OVCH1: variants seen among roughly 807,000 people sequenced by gnomAD.
OVCH1 encodes ovochymase 1, also known as ovochymase-1.
A neutral mutation model predicts 138.4 loss-of-function variants in OVCH1; 139 were observed. That is an observed-to-expected ratio of 1.00 (90% CI 0.87 to 1.16). The LOEUF is 1.16. Among genes scored for constraint, OVCH1 ranks in the 50% most tolerant of loss-of-function variants. The pLI, the probability that OVCH1 is intolerant of heterozygous loss-of-function variation, is 0.00. For synonymous variants in OVCH1, 453 were observed against 467.8 expected, an observed-to-expected ratio of 0.97 and a Z score of 0.41; for missense variants, 1,367 against 1,357.9, an observed-to-expected ratio of 1.01 and a Z score of -0.11.
chr12:29,402,497 AAG>A, the OVCH1 span, among the ~76,000 whole-genome samples: 2 of 152,120 alleles, frequency 1.3e-5, no homozygotes, highest in Admixed American at 6.5e-5. Context: ...AAAGAGGGAA[AAG>A]AGAAAGACAG....
rs1943155599 is a variant in OVCH1 at position 29,487,836 on chromosome 12, C to T, written c.749G>A (p.Trp250Ter). 2 of 1,611,692 alleles carry T rather than the reference C, an allele frequency of 1.2e-6. No individual in the cohort carries two copies. Among genetic ancestry groups the T allele is most frequent in the Non-Finnish European group, 1.7e-6 (2 of 1,178,616 alleles). ...CCAGGAAGTTATCCCAGCAAGAATC[C>T]AGATTCCACCACCTCTTCTACAAAC... Residue 250 changes from tryptophan to a stop codon, truncating the protein, a stop_gained, in exon 7 of 28, where the codon TGG (tryptophan) becomes TAG (stop). Transcript: ENST00000318184. LOFTEE classifies it high-confidence loss of function.
chr12:29,491,320 A>G (rs1393521458), intron 4 of OVCH1, 128 bp from the exon 5 acceptor site: 4 of 778,170 alleles, frequency 5.1e-6, no homozygotes, highest in Non-Finnish European at 8.0e-6. Flanking sequence ...ACATATTTTA[A>G]GTTTTGGCCC....
At chr12:29,408,738 A>T (rs1204829284), downstream of OVCH1, among the ~76,000 whole-genome samples, 2 of 146,382 alleles carry the variant, frequency 1.4e-5, no homozygotes, top group Non-Finnish European at 3.1e-5. Flanking sequence ...TTTTGCATCA[A>T]TGTTCATCAA....
chr12:29,443,120 A>G (rs1052290112), intron 25 of OVCH1, among the ~76,000 whole-genome samples: 6 of 152,014 alleles, frequency 3.9e-5, no homozygotes, highest in East Asian at 3.9e-4. Flanking sequence ...TTTCTGAGCA[A>G]TTTTAATCTA....
At chr12:29,428,425 CCT>C (rs1481896337) in intron 27 of OVCH1, among the ~76,000 whole-genome samples, 3 of 152,120 alleles carry the variant, frequency 2.0e-5, no homozygotes, top group African/African-American at 7.2e-5. Flanking sequence ...GTGTATACTC[CCT>C]CTCTGCAATG....
At chr12:29,488,620 C>CAA (rs67595567) in intron 6 of OVCH1, among the ~76,000 whole-genome samples, 135 of 61,508 alleles carry the variant, frequency 2.2e-3, no homozygotes, top group African/African-American at 3.5e-3. Context: ...GACTCCATCT[C>CAA]AAAAAAAAAA....
At chr12:29,427,484 ATGAT>A (rs1941198475), downstream of OVCH1, 1 of 1,522,512 alleles carries the variant, frequency 6.6e-7, no homozygotes, top group African/African-American at 1.4e-5. Context: ...TAGCATTTGA[ATGAT>A]TGAGGACGTG....
In OVCH1 at chr12:29,485,969, A is replaced by AAATAAAT. The variant is rs1010541129; in HGVS notation, c.995+276_995+277insATTTATT. Among the ~76,000 whole-genome samples, 15 of 136,356 alleles carry AAATAAAT rather than the reference A, an allele frequency of 1.1e-4. 1 individual carries two copies. Among genetic ancestry groups the AAATAAAT allele is most frequent in the Middle Eastern group, 7.6e-3 (2 of 262 alleles). The allele number at this position is 136,356 out of a possible 152,430, so 89.5% of individuals were successfully genotyped here. On this transcript the variant is annotated intron_variant, in intron 8 of 27. Transcript: ENST00000318184. ...CAAAATAAATAAAATAAAATAAAAT[A>AAATAAAT]AAATAAATAAATAAATAAATAAATA...
At chr12:29,451,697 A>C in intron 21 of OVCH1, 128 bp from the exon 22 acceptor site, 1 of 668,428 alleles carries the variant, frequency 1.5e-6, no homozygotes, top group Non-Finnish European at 2.5e-6. Context: ...TGTCAGTTAC[A>C]AATTATTCTG....
chr12:29,422,993 G>A (rs1457347425), downstream of OVCH1: 2 of 232,808 alleles, frequency 8.6e-6, no homozygotes, highest in Admixed American at 1.1e-4. Flanking sequence ...CTTAAGGAAT[G>A]GTTTGAAATG....
At chr12:29,494,574 T>C (rs1943360022) in intron 4 of OVCH1, among the ~76,000 whole-genome samples, 1 of 152,132 alleles carries the variant, frequency 6.6e-6, no homozygotes, top group Admixed American at 6.6e-5. Flanking sequence ...TGGACTTAAG[T>C]TGTTCATCAA....
intron 27 of OVCH1, among the ~76,000 whole-genome samples, chr12:29,430,221 A>G (rs1001650136): frequency 1.3e-5 from 2 of 149,954 alleles, no homozygotes; most frequent in Admixed American, 6.6e-5. Context: ...CACTTCCCCC[A>G]TAACTGCATA....
chr12:29,451,378 A>G, exon 22 of OVCH1: 2 of 1,613,016 alleles, frequency 1.2e-6, no homozygotes, highest in Non-Finnish European at 1.7e-6. Flanking sequence ...CTTTCTTCAT[A>G]AATAATTAGA....
intron 14 of OVCH1, among the ~76,000 whole-genome samples, chr12:29,474,600 T>C (rs79917225): frequency 0.089 from 13,625 of 152,244 alleles, 629 homozygotes; most frequent in African/African-American, 0.11. Flanking sequence ...TGTAGAGTTA[T>C]TTGTAGTTTT....
At chr12:29,465,176 C>T in exon 17 of OVCH1, 1 of 1,605,072 alleles carries the variant, frequency 6.2e-7, no homozygotes, top group Non-Finnish European at 8.5e-7. Flanking sequence ...AGGTTTCTGT[C>T]ATGGTCCCCA....
At chr12:29,464,436 A>G in intron 18 of OVCH1, 71 bp downstream of exon 18, 3 of 1,477,884 alleles carry the variant, frequency 2.0e-6, no homozygotes, top group Non-Finnish European at 9.3e-7. Context: ...ATGCTGCTTG[A>G]TATCATTTAC....
In OVCH1 at chr12:29,449,789, CA is replaced by C. The variant is rs568473218; in HGVS notation, c.2755+1555del. Among the ~76,000 whole-genome samples the C allele has an allele frequency of 7.2e-5, 11 of 152,282 alleles. No individual in the cohort carries two copies. In the East Asian group the frequency reaches 1.7e-3, roughly 24 times the overall value. ...TACTGCAAGGCTACAGTAACCAAAACAGCATGGTACTGGTACCAAAACAGAT... is the reference window on the plus strand; with the variant it reads ...TACTGCAAGGCTACAGTAACCAAAACGCATGGTACTGGTACCAAAACAGAT... On this transcript the variant is annotated intron_variant, in intron 22 of 27. Transcript: ENST00000318184.
At chr12:29,448,865 T>C (rs1385007746) in intron 22 of OVCH1, among the ~76,000 whole-genome samples, 1 of 152,124 alleles carries the variant, frequency 6.6e-6, no homozygotes, top group Non-Finnish European at 1.5e-5. Context: ...CAAGCATAAA[T>C]ATATACCACA....
intron 19 of OVCH1, among the ~76,000 whole-genome samples, chr12:29,457,434 T>G (rs948704982): frequency 7.6e-6 from 1 of 132,010 alleles, no homozygotes; most frequent in Non-Finnish European, 1.6e-5. Context: ...GACAGAGTCT[T>G]GCTCTGTCTC....
Sources: allele counts gnomAD v4.1 joint callset (sites outside exome capture counted in the v4.1 genomes callset), GRCh38; gene constraint gnomAD v4.1.1; transcripts MANE v1.5; gene names NCBI Gene and HGNC (gene_info 2026-07-23, HGNC 2026-07-21).